Variants in ARSG observed in about 807,000 individuals in gnomAD.
ARSG encodes the protein ASG.
Under a neutral mutation model 50.5 loss-of-function variants are expected in ARSG, and 37 were observed. The observed-to-expected ratio is 0.73, with a 90% confidence interval of 0.56 to 0.96. The LOEUF is 0.96. Ranked by LOEUF, ARSG falls within the 50% of genes least tolerant of loss-of-function variation. The pLI is 0.00. For synonymous variants in ARSG, 225 were observed against 254.6 expected (o/e 0.88, Z 1.11); for missense variants, 629 against 675.3 (o/e 0.93, Z 0.76).
At chr17:68,380,651 G>T (rs1599978060) in intron 8 of ARSG, among the ~76,000 whole-genome samples, 1 of 152,138 alleles carries the variant, frequency 6.6e-6, no homozygotes, top group Non-Finnish European at 1.5e-5. Flanking sequence ...CATACTAAAT[G>T]TGTCTTAATT....
At chr17:68,308,198 C>G (rs375722931) in intron 2 of ARSG, among the ~76,000 whole-genome samples, 22 of 152,242 alleles carry the variant, frequency 1.4e-4, no homozygotes, top group African/African-American at 5.3e-4. Context: ...CTCAGCTACT[C>G]GGGAGGCTGA....
intron 8 of ARSG, 25 bp from the exon 9 acceptor site, chr17:68,385,039 C>A (rs371805323): frequency 2.3e-5 from 37 of 1,595,360 alleles, no homozygotes; most frequent in Non-Finnish European, 3.1e-5. Flanking sequence ...CATGGATGAA[C>A]CAGCTGCCTC....
chr17:68,284,890 C>T (rs1253368376), intron 1 of ARSG, among the ~76,000 whole-genome samples: 5 of 152,142 alleles, frequency 3.3e-5, no homozygotes, highest in African/African-American at 9.7e-5. Context: ...ATTATATGCT[C>T]ACAAAATCTG....
In ARSG at chr17:68,370,447, A is replaced by G. The variant is rs1021217685; in HGVS notation, c.905A>G (p.Asp302Gly). The change falls in exon 8 of 12, where the codon GAC becomes GGC. Residue 302 changes from aspartate to glycine, a missense_variant. Physicochemically the swap from Asp to Gly is moderately conservative, Grantham distance 94 (BLOSUM62 -1). Transcript: ENST00000621439. ...TAATGCTTTTTCTGGTTTCTAGGAGACAATGGCCCGTGGGCTCAGAAGTGT... is the reference window on the plus strand; with the variant it reads ...TAATGCTTTTTCTGGTTTCTAGGAGGCAATGGCCCGTGGGCTCAGAAGTGT... Reference protein sequence around the residue: ...KENTFLWFTGDNGPWAQKCEL... With the variant: ...KENTFLWFTGGNGPWAQKCEL... 4 of 1,613,892 alleles carry G rather than the reference A, an allele frequency of 2.5e-6. No individual in the cohort carries two copies. The Admixed American group carries it at 5.0e-5, about 20-fold the overall frequency.
intron 4 of ARSG, among the ~76,000 whole-genome samples, chr17:68,347,550 C>T (rs1191895046): frequency 1.3e-5 from 2 of 152,186 alleles, no homozygotes; most frequent in Non-Finnish European, 2.9e-5. Context: ...GGAAACCTGG[C>T]CATAGACCCA....
chr17:68,365,720 A>G (rs2079514178), intron 6 of ARSG, among the ~76,000 whole-genome samples: 1 of 152,170 alleles, frequency 6.6e-6, no homozygotes, highest in African/African-American at 2.4e-5. Flanking sequence ...CTGAGGTGTA[A>G]ATACTCAATC....
intron 2 of ARSG, among the ~76,000 whole-genome samples, chr17:68,332,041 A>G (rs1412063892): frequency 6.6e-6 from 1 of 152,210 alleles, no homozygotes; most frequent in African/African-American, 2.4e-5. Flanking sequence ...AGAGCAGACA[A>G]CCGGTCTGAC....
intron 2 of ARSG, among the ~76,000 whole-genome samples, chr17:68,338,016 C>G (rs539628279): frequency 6.6e-6 from 1 of 152,272 alleles, no homozygotes; most frequent in Non-Finnish European, 1.5e-5. Context: ...GAAAACCCCC[C>G]AGGCATTCAG....
intron 9 of ARSG, among the ~76,000 whole-genome samples, chr17:68,385,520 A>AGGGAG (rs2080669488): frequency 8.7e-6 from 1 of 115,166 alleles, no homozygotes; most frequent in African/African-American, 3.2e-5. Flanking sequence ...AGGGAAGAGA[A>AGGGAG]GGGAGGGGAG....
chr17:68,412,793 C>T (rs2082087277), intron 11 of ARSG, among the ~76,000 whole-genome samples: 1 of 152,080 alleles, frequency 6.6e-6, no homozygotes, highest in Non-Finnish European at 1.5e-5. Context: ...CACATAGTCC[C>T]ATATTTCTTG....
intron 1 of ARSG, chr17:68,270,964 A>G (rs2075320138): frequency 1.2e-5 from 20 of 1,614,086 alleles, no homozygotes; most frequent in Middle Eastern, 1.6e-4. Flanking sequence ...AGTCCCTCCT[A>G]TTGTTCCAAC....
chr17:68,298,780 A>G (rs2076302438), intron 1 of ARSG, among the ~76,000 whole-genome samples: 1 of 152,056 alleles, frequency 6.6e-6, no homozygotes, highest in South Asian at 2.1e-4. Context: ...CTCACATGGC[A>G]GAGAGAGTGA....
At chr17:68,388,413 A>T (rs1007041) in intron 9 of ARSG, among the ~76,000 whole-genome samples, 57,702 of 151,786 alleles carry the variant, frequency 0.38, 12,623 homozygotes, top group Admixed American at 0.53. Context: ...GTTTCCAGAC[A>T]GTGCCAAATG....
chr17:68,283,226 C>G (rs2075753672), intron 1 of ARSG: 1 of 151,778 alleles, frequency 6.6e-6, no homozygotes, highest in Non-Finnish European at 1.5e-5. Flanking sequence ...GTCAGGAATT[C>G]AAGACCAGAC....
upstream of ARSG, among the ~76,000 whole-genome samples, chr17:68,286,661 T>C (rs1161203760): frequency 6.6e-6 from 1 of 152,004 alleles, no homozygotes; most frequent in Non-Finnish European, 1.5e-5. Flanking sequence ...CCCACCATCA[T>C]GCCCGGTTGA....
At chr17:68,360,777 C>T (rs893693725) in intron 6 of ARSG, among the ~76,000 whole-genome samples, 5 of 152,100 alleles carry the variant, frequency 3.3e-5, no homozygotes, top group Admixed American at 6.6e-5. Flanking sequence ...AGGAGTGTAT[C>T]GGGCATCAGG....
intron 11 of ARSG, among the ~76,000 whole-genome samples, chr17:68,406,484 T>C (rs918999227): frequency 3.9e-5 from 6 of 152,204 alleles, no homozygotes; most frequent in African/African-American, 1.4e-4. Flanking sequence ...GCTATACTAG[T>C]TTACATTCCC....
the ARSG span, among the ~76,000 whole-genome samples, chr17:68,445,377 C>T: frequency 4.6e-5 from 7 of 152,210 alleles, no homozygotes; most frequent in African/African-American, 1.7e-4. Context: ...TTCTCTCCAT[C>T]ACCAAATCTT....
chr17:68,373,328 C>T (rs1171895482), intron 8 of ARSG, among the ~76,000 whole-genome samples: 1 of 151,682 alleles, frequency 6.6e-6, no homozygotes, highest in Non-Finnish European at 1.5e-5. Flanking sequence ...CTCCTGGGTT[C>T]AAGTGATTCT....
Sources: allele counts gnomAD v4.1 joint callset (sites outside exome capture counted in the v4.1 genomes callset), GRCh38; gene constraint gnomAD v4.1.1; transcripts MANE v1.5; gene names NCBI Gene and HGNC (gene_info 2026-07-23, HGNC 2026-07-21).